Variants in EBAG9 observed in about 807,000 individuals in gnomAD.
EBAG9 encodes receptor-binding cancer antigen expressed on SiSo cells.
In EBAG9, 16 loss-of-function variants were observed where a neutral mutation model predicts 30.9. The observed-to-expected ratio is 0.52, with a 90% CI of 0.35 to 0.79. The LOEUF is 0.79. EBAG9 is among the 30% of genes least tolerant of loss of function. The probability of loss-of-function intolerance (pLI) is 0.01; values close to 1 mark genes in which losing one functional copy is unlikely to be tolerated. For missense variants in EBAG9, 197 were observed against 242.1 expected, an observed-to-expected ratio of 0.81 and a Z score of 1.24; for synonymous variants, 93 against 82.8, an observed-to-expected ratio of 1.12 and a Z score of -0.67.
chr8:109,548,234 C>CT (rs1015738940), intron 1 of EBAG9, among the ~76,000 whole-genome samples: 14 of 151,446 alleles, frequency 9.2e-5, no homozygotes, highest in Admixed American at 7.9e-4. Context: ...TTAACCAGCA[C>CT]TTTTTTTTTC....
chr8:109,557,615 C>G (rs1586693314), intron 5 of EBAG9: 2 of 452,476 alleles, frequency 4.4e-6, no homozygotes, highest in Middle Eastern at 6.8e-4. Context: ...TGTAACAACT[C>G]CAAATTCAGT....
intron 4 of EBAG9, among the ~76,000 whole-genome samples, chr8:109,556,167 C>CATAT (rs753192209): frequency 3.3e-5 from 5 of 151,416 alleles, no homozygotes; most frequent in African/African-American, 1.2e-4. Flanking sequence ...ATATTTTTAT[C>CATAT]ATATATATAT....
At chr8:109,550,020 T>C (rs1266063414) in intron 1 of EBAG9, among the ~76,000 whole-genome samples, 1 of 152,106 alleles carries the variant, frequency 6.6e-6, no homozygotes, top group Non-Finnish European at 1.5e-5. Context: ...TAACAATCTC[T>C]GCTTTTCAAT....
chr8:109,565,612 A>G lies in EBAG9; in HGVS notation c.*1053A>G, dbSNP rs1821811606. On this transcript the variant is annotated 3_prime_UTR_variant, in exon 7 of 7. Transcript: ENST00000337573. The stretch of plus-strand genomic sequence containing the variant: ...TACTGGGTCTGTAGGGGAAAAGTAG[A>G]CTTCATAGTTTAAAATCCCATTAAC... 1 of 152,090 alleles carries G rather than the reference A, an allele frequency of 6.6e-6. No homozygotes were observed. The highest frequency in any genetic ancestry group is 1.5e-5 in the Non-Finnish European group (1 of 67,950). The allele number at this position is 152,090 out of a possible 1,614,324, so 9.4% of individuals were successfully genotyped here.
chr8:109,565,083 C>T lies in EBAG9; in HGVS notation c.*524C>T, dbSNP rs1234729235. On this transcript the variant is annotated 3_prime_UTR_variant, in exon 7 of 7. Coordinates refer to ENST00000337573, the MANE Select transcript of EBAG9 (RefSeq NM_004215.5). ...CTCTAATTTGAACTGGTATTGTTTA[C>T]GTTTGATACAACATTAAGGAATTTG... 3 of 152,364 alleles carry T rather than the reference C, an allele frequency of 2.0e-5. No homozygotes were observed. Among genetic ancestry groups the T allele is most frequent in the South Asian group, 2.1e-4 (1 of 4,830 alleles). The allele number at this position is 152,364 out of a possible 1,614,324, so 9.4% of individuals were successfully genotyped here.
At chr8:109,549,754 C>T (rs1456952589) in intron 1 of EBAG9, among the ~76,000 whole-genome samples, 2 of 151,926 alleles carry the variant, frequency 1.3e-5, no homozygotes, top group Non-Finnish European at 2.9e-5. Context: ...ATTAAGGACA[C>T]GTGTTTTAGA....
intron 1 of EBAG9, among the ~76,000 whole-genome samples, chr8:109,546,746 C>T (rs1821392822): frequency 2.6e-5 from 4 of 152,112 alleles, no homozygotes; most frequent in Admixed American, 2.0e-4. Context: ...CACCCCTGTT[C>T]TAGAGCTTAA....
chr8:109,548,721 C>T (rs1821433128), intron 1 of EBAG9, among the ~76,000 whole-genome samples: 1 of 151,686 alleles, frequency 6.6e-6, no homozygotes, highest in African/African-American at 2.4e-5. Flanking sequence ...TTTTTTTATG[C>T]CTATATAAAT....
At chr8:109,540,993 A>G (rs1354510050) in intron 1 of EBAG9, among the ~76,000 whole-genome samples, 1 of 150,184 alleles carries the variant, frequency 6.7e-6, no homozygotes, top group Non-Finnish European at 1.5e-5. Flanking sequence ...TCAACAAGAA[A>G]AGATATAATA....
intron 2 of EBAG9, among the ~76,000 whole-genome samples, chr8:109,552,922 C>A (rs1821522532): frequency 1.3e-5 from 2 of 152,084 alleles, no homozygotes; most frequent in South Asian, 2.1e-4. Context: ...ACAGCAGGAC[C>A]CCATCTCTAT....
chr8:109,559,539 C>A (rs1434993886), intron 5 of EBAG9, among the ~76,000 whole-genome samples: 1 of 152,106 alleles, frequency 6.6e-6, no homozygotes, highest in East Asian at 1.9e-4. Context: ...CAGCCGAGTG[C>A]AGTGGCTCAC....
chr8:109,541,322 C>T (rs534705634), intron 1 of EBAG9, among the ~76,000 whole-genome samples: 1 of 152,126 alleles, frequency 6.6e-6, no homozygotes, highest in Admixed American at 6.5e-5. Flanking sequence ...TTTCAAAAAT[C>T]GCACTGAGGC....
At chr8:109,541,334 A>G (rs1821271332) in intron 1 of EBAG9, among the ~76,000 whole-genome samples, 1 of 152,006 alleles carries the variant, frequency 6.6e-6, no homozygotes, top group Non-Finnish European at 1.5e-5. Context: ...CACTGAGGCA[A>G]TGTGCACACA....
chr8:109,556,921 A>G lies in EBAG9; in HGVS notation c.322-14A>G, dbSNP rs201700353. 1.3e-6 allele frequency: 2 copies of G among 1,489,510 alleles called. No homozygotes were observed. The highest frequency in any genetic ancestry group is 1.4e-5 in the African/African-American group (1 of 71,254). 92.3% of individuals were successfully genotyped at this position (1,489,510 alleles called of 1,614,324 possible). On this transcript the variant is annotated splice_polypyrimidine_tract_variant and intron_variant, in intron 4 of 6. Transcript: ENST00000337573. Reference sequence around the variant, plus strand: ...TAAAAGATCCCTATAATTCTTTTTCAATTAATCTTTCAGATTGTTATTAAG... The same window carrying G: ...TAAAAGATCCCTATAATTCTTTTTCGATTAATCTTTCAGATTGTTATTAAG...
rs554239828 is a variant in EBAG9 at position 109,562,783 on chromosome 8, C to G, written c.522-1656C>G. Among the ~76,000 whole-genome samples the G allele has an allele frequency of 7.9e-5, 12 of 152,026 alleles. No individual in the cohort carries two copies. The South Asian group carries it at 2.5e-3, about 32-fold the overall frequency. The stretch of plus-strand genomic sequence containing the variant: ...TTTGAGAGTTTAGAATATTTGTGTT[C>G]TGCTGCTAGTTCATCATCCCAAATA... On this transcript the variant is annotated intron_variant, in intron 6 of 6. Coordinates refer to ENST00000337573, the MANE Select transcript of EBAG9 (RefSeq NM_004215.5).
rs143877969 is a variant in EBAG9 at position 109,553,895 on chromosome 8, C to T, written c.114C>T (p.Asp38=). 1.6e-5 allele frequency: 26 copies of T among 1,609,176 alleles called. No individual in the cohort carries two copies. In the African/African-American group the frequency reaches 3.5e-4, roughly 22 times the overall value. Residue 38 remains aspartate, a synonymous_variant, in exon 3 of 7, where the codon GAC becomes GAT. Coordinates refer to ENST00000337573, the MANE Select transcript of EBAG9 (RefSeq NM_004215.5). ...GCAGAGGACGGAAATTAAGTGGAGA[C>T]CAAATAACTTTGCCAACTACAGTTG... The part of the protein sequence containing the change: ...RSGRGRKLSG[D]QITLPTTVDY...
At chr8:109,557,235 A>G (rs1038266533) in intron 5 of EBAG9, among the ~76,000 whole-genome samples, 193 bp downstream of exon 5, 5 of 152,196 alleles carry the variant, frequency 3.3e-5, no homozygotes, top group African/African-American at 1.2e-4. Context: ...ATTACCTTAG[A>G]TACTAAGATC....
At chr8:109,550,931 T>G in intron 2 of EBAG9, 24 bp downstream of exon 2, 1 of 1,460,940 alleles carries the variant, frequency 6.8e-7, no homozygotes, top group Non-Finnish European at 9.4e-7. Flanking sequence ...ATGTTCAAAC[T>G]AACCTGTTTA....
In EBAG9 at chr8:109,565,648, C is replaced by T. The variant is rs1821812334; in HGVS notation, c.*1089C>T. The T allele has an allele frequency of 6.6e-6, 1 of 152,012 alleles. No individual in the cohort carries two copies. Among genetic ancestry groups the T allele is most frequent in the African/African-American group, 2.4e-5 (1 of 41,404 alleles). The allele number at this position is 152,012 out of a possible 1,614,324, so 9.4% of individuals were successfully genotyped here. A position where few individuals can be genotyped will look rare whatever the true frequency, so the allele number is the denominator to read the frequency against. ...TAAAATCCCATTAACCTTTTCACCG[C>T]AGTTGAAATGCATCCAGCCTGATTT... On this transcript the variant is annotated 3_prime_UTR_variant, in exon 7 of 7. Coordinates refer to ENST00000337573, the MANE Select transcript of EBAG9 (RefSeq NM_004215.5).
Sources: gnomAD v4.1 joint callset for allele counts (sites outside exome capture counted in the v4.1 genomes callset) on GRCh38, gnomAD v4.1.1 for gene constraint, MANE v1.5 for transcripts, NCBI Gene and HGNC (gene_info 2026-07-23, HGNC 2026-07-21) for gene names.